Variants in EPHA7 observed in about 807,000 individuals in gnomAD.
EPHA7 encodes the protein EPH receptor A7, also known as ephrin type-A receptor 7.
A neutral mutation model predicts 112.6 loss-of-function variants in EPHA7; 25 were observed. That is an observed-to-expected ratio of 0.22 (90% confidence interval 0.16 to 0.31). The LOEUF (loss-of-function observed/expected upper bound fraction) is 0.31, where lower values mean the gene tolerates loss of function less well. Ranked by LOEUF, EPHA7 falls within the 10% of genes least tolerant of loss-of-function variation. The pLI, the probability that EPHA7 is intolerant of heterozygous loss-of-function variation, is 1.00. For synonymous variants in EPHA7, 437 were observed against 406.5 expected (o/e 1.07, Z -0.90); for missense variants, 962 against 1,212.6 (o/e 0.79, Z 3.07).
intron 3 of EPHA7, among the ~76,000 whole-genome samples, chr6:93,373,517 T>G (rs1014991742): frequency 6.6e-6 from 1 of 152,090 alleles, no homozygotes; most frequent in Non-Finnish European, 1.5e-5. Flanking sequence ...ATGGAATAGG[T>G]TCTCACTCTT....
rs1156688358 is a variant in EPHA7, at chr6:93,259,495, A to T, written c.1799-16T>A. 6.2e-7 allele frequency: 1 copy of T among 1,610,118 alleles called. No individual in the cohort carries two copies. ...GGAAATTTAACTGTAATGATGTAAG[A>T]AAGCATGACTGTGATGAAGCAAAGC... On this transcript the variant is annotated splice_polypyrimidine_tract_variant and intron_variant, in intron 9 of 16. Coordinates refer to ENST00000369303, the MANE Select transcript of EPHA7 (RefSeq NM_004440.4).
intron 5 of EPHA7, among the ~76,000 whole-genome samples, chr6:93,355,244 T>C (rs1420597890): frequency 6.6e-6 from 1 of 152,166 alleles, no homozygotes; most frequent in Non-Finnish European, 1.5e-5. Flanking sequence ...TCCCGATATC[T>C]GCTCTTATAA....
chr6:93,280,233 C>T (rs1188256650), intron 5 of EPHA7, among the ~76,000 whole-genome samples: 1 of 152,138 alleles, frequency 6.6e-6, no homozygotes, highest in African/African-American at 2.4e-5. Context: ...AAGAGCAAAA[C>T]ACACAGAATA....
intron 14 of EPHA7, among the ~76,000 whole-genome samples, chr6:93,251,990 T>A (rs1396212803): frequency 6.6e-6 from 1 of 152,048 alleles, no homozygotes; most frequent in East Asian, 1.9e-4. Context: ...CATTCAAGGG[T>A]TAACTAATGG....
At chr6:93,304,936 T>G (rs1243963522) in intron 5 of EPHA7, among the ~76,000 whole-genome samples, 1 of 151,950 alleles carries the variant, frequency 6.6e-6, no homozygotes, top group East Asian at 1.9e-4. Flanking sequence ...ACCCTCTTAC[T>G]GTTACTTAAA....
At chr6:93,414,653 TTTTG>T (rs1459191800) in intron 2 of EPHA7, 46 bp downstream of exon 2, 41 of 1,431,602 alleles carry the variant, frequency 2.9e-5, no homozygotes, top group Non-Finnish European at 3.8e-5. Flanking sequence ...AAGGGAAACG[TTTTG>T]TTTCTTATTT....
At chr6:93,385,042 C>T (rs964911488) in intron 3 of EPHA7, among the ~76,000 whole-genome samples, 24 of 152,138 alleles carry the variant, frequency 1.6e-4, no homozygotes, top group African/African-American at 5.5e-4. Context: ...TATGCACTTC[C>T]TTTTATTAGC....
chr6:93,404,607 G>A (rs1277123171), intron 3 of EPHA7, among the ~76,000 whole-genome samples: 1 of 147,716 alleles, frequency 6.8e-6, no homozygotes, highest in African/African-American at 2.5e-5. Context: ...ATGTATACAT[G>A]TATACATATA....
chr6:93,308,780 C>T (rs2127860720), intron 5 of EPHA7, among the ~76,000 whole-genome samples: 1 of 151,928 alleles, frequency 6.6e-6, no homozygotes, highest in Non-Finnish European at 1.5e-5. Flanking sequence ...TTTCCCAGTC[C>T]TATATAAATA....
chr6:93,284,673 A>G (rs1416610726), intron 5 of EPHA7, among the ~76,000 whole-genome samples: 2 of 152,220 alleles, frequency 1.3e-5, no homozygotes, highest in African/African-American at 4.8e-5. Flanking sequence ...GCCATAAAAA[A>G]GGATAGGTTC....
chr6:93,251,486 A>T lies in EPHA7; in HGVS notation c.2532+3161T>A, dbSNP rs567622002. Among the ~76,000 whole-genome samples the T allele has an allele frequency of 9.5e-5, 14 of 147,730 alleles. No individual in the cohort carries two copies. The South Asian group carries it at 2.7e-3, about 29-fold the overall frequency. The stretch of plus-strand genomic sequence containing the variant: ...AAATACTTTCTTACGTTATTTTTTT[A>T]AAAATACTTTTTTCTTATGTTAACT... On this transcript the variant is annotated intron_variant, in intron 14 of 16. Coordinates refer to ENST00000369303, the MANE Select transcript of EPHA7 (RefSeq NM_004440.4).
At chr6:93,403,933 T>G (rs192250372) in intron 3 of EPHA7, among the ~76,000 whole-genome samples, 1 of 152,174 alleles carries the variant, frequency 6.6e-6, no homozygotes, top group Non-Finnish European at 1.5e-5. Flanking sequence ...TAATTGTTAA[T>G]TTTTTTCTTT....
intron 5 of EPHA7, among the ~76,000 whole-genome samples, chr6:93,297,748 A>C: frequency 6.6e-6 from 1 of 152,130 alleles, no homozygotes; most frequent in Admixed American, 6.5e-5. Flanking sequence ...GGAACTCAGT[A>C]ATTGAGGTCC....
chr6:93,362,260 A>G (rs1776298454), intron 3 of EPHA7, among the ~76,000 whole-genome samples: 4 of 152,062 alleles, frequency 2.6e-5, no homozygotes, highest in Admixed American at 2.6e-4. Context: ...AAACTTCTAT[A>G]TACCAGAGTA....
At chr6:93,285,671 C>A (rs539837451) in intron 5 of EPHA7, among the ~76,000 whole-genome samples, 19 of 152,058 alleles carry the variant, frequency 1.2e-4, no homozygotes, top group African/African-American at 4.3e-4. Flanking sequence ...TCCCCATATT[C>A]TGATATCTCT....
In EPHA7 at chr6:93,356,923, C is replaced by A. The variant is rs772199348; in HGVS notation, c.1118G>T (p.Ser373Ile). The change falls in exon 5 of 17, where the codon AGT becomes ATT. Residue 373 changes from serine (S) to isoleucine (I), a missense_variant. Coordinates refer to ENST00000369303, the MANE Select transcript of EPHA7 (RefSeq NM_004440.4). ...GGGAACACATTCGCCCTGCTCCCAA[C>A]TGCACCGCTTACACAATATTCTGTA... is the stretch of plus-strand genomic sequence containing the variant. ...VTYRILCKRC[S>I]WEQGECVPCG... The A allele has an allele frequency of 4.3e-6, 7 of 1,614,170 alleles. No homozygotes were observed. Among genetic ancestry groups the A allele is most frequent in the African/African-American group, 1.3e-5 (1 of 75,060 alleles).
intron 3 of EPHA7, among the ~76,000 whole-genome samples, chr6:93,384,958 A>G (rs1777527443): frequency 6.6e-6 from 1 of 152,200 alleles, no homozygotes; most frequent in Admixed American, 6.5e-5. Context: ...TAGTTGCACT[A>G]CAAACACAAA....
chr6:93,281,063 T>G (rs1351320286), intron 5 of EPHA7, among the ~76,000 whole-genome samples: 2 of 152,162 alleles, frequency 1.3e-5, no homozygotes, highest in Non-Finnish European at 2.9e-5. Context: ...CAATGTTAGA[T>G]TTTTGAAATC....
At position 93,419,512 on chromosome 6, in the gene EPHA7, T is replaced by C. The variant is rs566633289; in HGVS notation, c.-171A>G. On this transcript the variant is annotated 5_prime_UTR_variant, in exon 1 of 17. Coordinates refer to ENST00000369303, the MANE Select transcript of EPHA7 (RefSeq NM_004440.4). ...CTTTTTTTAATTTCCCCCCCACTCC[T>C]GTTCGCTCGCACCGTGTTTGCTGCC... 5.2e-6 allele frequency: 3 copies of C among 572,352 alleles called. No individual in the cohort carries two copies. In the South Asian group the frequency reaches 6.8e-5, roughly 13 times the overall value. The allele number at this position is 572,352 out of a possible 1,614,324, so 35.5% of individuals were successfully genotyped here. A position where few individuals can be genotyped will look rare whatever the true frequency, so the allele number is the denominator to read the frequency against.
Sources: allele counts gnomAD v4.1 joint callset (sites outside exome capture counted in the v4.1 genomes callset), GRCh38; gene constraint gnomAD v4.1.1; transcripts MANE v1.5; gene names NCBI Gene and HGNC (gene_info 2026-07-23, HGNC 2026-07-21).